The following DYM variants were observed in gnomAD, a reference collection of about 807,000 sequenced individuals.
The protein encoded by DYM is dymeclin.
In DYM, 78 loss-of-function variants were observed where a neutral mutation model predicts 93.1. That is an observed-to-expected ratio of 0.84 (90% CI 0.70 to 1.01). The LOEUF (loss-of-function observed/expected upper bound fraction) is 1.01, where lower values mean the gene tolerates loss of function less well. Among genes scored for constraint, DYM ranks in the 50% least tolerant of loss-of-function variants. The probability of loss-of-function intolerance (pLI) is 0.00; values close to 1 mark genes in which losing one functional copy is unlikely to be tolerated. For synonymous variants in DYM, 321 were observed against 319.7 expected (o/e 1.00, Z -0.04); for missense variants, 789 against 845.0 (o/e 0.93, Z 0.82).
At chr18:49,365,063 A>G (rs1226831934) in intron 5 of DYM, among the ~76,000 whole-genome samples, 1 of 152,184 alleles carries the variant, frequency 6.6e-6, no homozygotes, top group Non-Finnish European at 1.5e-5. Flanking sequence ...GAGCTTGCAC[A>G]TAGTATGTAC....
chr18:49,266,302 T>C (rs1378500279), intron 11 of DYM, among the ~76,000 whole-genome samples: 2 of 152,180 alleles, frequency 1.3e-5, no homozygotes, highest in African/African-American at 2.4e-5. Flanking sequence ...CTTCACCATA[T>C]AATAATATTA....
chr18:49,206,165 ATTTTT>A (rs1405651508), intron 14 of DYM, among the ~76,000 whole-genome samples: 7 of 151,566 alleles, frequency 4.6e-5, no homozygotes, highest in Non-Finnish European at 7.4e-5. Flanking sequence ...CTCCTGGCTA[ATTTTT>A]TGTATTTTTA....
rs10584298 is a variant in DYM, at chr18:49,326,992, C to CGTGT, written c.763+4868_763+4871dup. 8.1e-3 allele frequency among the ~76,000 whole-genome samples: 753 copies of CGTGT among 93,350 alleles called. 1 individual carries two copies. The highest frequency in any genetic ancestry group is 0.014 in the Middle Eastern group (2 of 146). 61.2% of individuals were successfully genotyped at this position (93,350 alleles called of 152,430 possible). On this transcript the variant is annotated intron_variant, in intron 8 of 17. Coordinates refer to ENST00000675505, the MANE Select transcript of DYM (RefSeq NM_001353214.3). ...TTATCCTCAAATGATTTTAAAAAAC[C>CGTGT]GTGTGTGTGTGTGTGTGTGTGTGTG...
At chr18:49,165,976 C>G (rs1011991379) in intron 14 of DYM, among the ~76,000 whole-genome samples, 4 of 151,246 alleles carry the variant, frequency 2.6e-5, no homozygotes, top group African/African-American at 9.7e-5. Flanking sequence ...AATGGAGGTA[C>G]TATACAAGAA....
intron 8 of DYM, among the ~76,000 whole-genome samples, chr18:49,300,652 T>A (rs1169840445): frequency 6.6e-6 from 1 of 152,162 alleles, no homozygotes. Context: ...CTGCTTATAT[T>A]GCAAAAACTC....
intron 14 of DYM, among the ~76,000 whole-genome samples, chr18:49,169,395 C>G (rs1256756170): frequency 6.6e-6 from 1 of 152,198 alleles, no homozygotes; most frequent in Non-Finnish European, 1.5e-5. Flanking sequence ...GTGGGGGAAA[C>G]AGCACTGCAC....
intron 2 of DYM, among the ~76,000 whole-genome samples, chr18:49,428,483 G>A (rs771298966): frequency 2.0e-5 from 3 of 151,728 alleles, no homozygotes; most frequent in Admixed American, 1.3e-4. Context: ...TCAGGGGTTC[G>A]AGACCAGCCT....
At chr18:49,444,820 C>T (rs948794381) in intron 1 of DYM, among the ~76,000 whole-genome samples, 4 of 152,110 alleles carry the variant, frequency 2.6e-5, no homozygotes, top group Admixed American at 1.3e-4. Context: ...AATGAATATG[C>T]TCTATTAAAA....
intron 14 of DYM, chr18:49,206,003 G>GTTTTGTTTTTTTTT: frequency 7.0e-6 from 1 of 142,310 alleles, no homozygotes; most frequent in East Asian, 1.6e-4. Context: ...TTTTTTTTTT[G>GTTTTGTTTTTTTTT]TTTTTTTGTT....
rs1022364480 is a variant in DYM, at chr18:49,154,669, A to G, written c.1728+9016T>C. On this transcript the variant is annotated intron_variant, in intron 15 of 17. Transcript: ENST00000675505. ...CTCTGCCTCCCAAAATGCTGGGATT[A>G]CAGGTGTGAGCCAATGCGCCCAGCT... Among the ~76,000 whole-genome samples the G allele has an allele frequency of 7.2e-5, 11 of 152,286 alleles. No individual in the cohort carries two copies. The East Asian group carries it at 2.1e-3, about 29-fold the overall frequency.
chr18:49,268,667 C>A (rs1025414247), intron 11 of DYM, among the ~76,000 whole-genome samples: 5 of 152,116 alleles, frequency 3.3e-5, no homozygotes, highest in African/African-American at 9.6e-5. Flanking sequence ...ATTGCTGCTG[C>A]TGAAGCAAAT....
At chr18:49,106,503 A>G (rs1042863243) in intron 16 of DYM, among the ~76,000 whole-genome samples, 26 of 152,252 alleles carry the variant, frequency 1.7e-4, no homozygotes, top group African/African-American at 5.8e-4. Flanking sequence ...CCCAGCCTCA[A>G]TGGTCTTTAC....
chr18:49,359,269 T>C (rs2065826605), intron 6 of DYM, among the ~76,000 whole-genome samples: 1 of 152,186 alleles, frequency 6.6e-6, no homozygotes, highest in African/African-American at 2.4e-5. Flanking sequence ...GTGGGATCGA[T>C]CCAATACACA....
intron 8 of DYM, chr18:49,321,133 C>T (rs989172988): frequency 5.5e-6 from 2 of 363,320 alleles, no homozygotes; most frequent in Non-Finnish European, 9.7e-6. Context: ...AATAGAATTC[C>T]ATAATTTCAA....
At chr18:49,340,314 A>T (rs557426870) in intron 6 of DYM, among the ~76,000 whole-genome samples, 13 of 152,302 alleles carry the variant, frequency 8.5e-5, no homozygotes, top group African/African-American at 2.9e-4. Context: ...GTAACTCTTA[A>T]AAACAGTTTT....
At chr18:49,147,906 C>T (rs549709431) in intron 15 of DYM, among the ~76,000 whole-genome samples, 4 of 152,204 alleles carry the variant, frequency 2.6e-5, no homozygotes, top group South Asian at 4.1e-4. Context: ...ATGTTTATTG[C>T]GGCACTATTC....
chr18:49,123,578 TCTC>T (rs1334354051), intron 15 of DYM, among the ~76,000 whole-genome samples: 2 of 152,182 alleles, frequency 1.3e-5, no homozygotes, highest in Non-Finnish European at 2.9e-5. Flanking sequence ...CCCAACCACT[TCTC>T]CTCCTTCCAG....
chr18:49,434,840 G>C (rs749588782), intron 1 of DYM, among the ~76,000 whole-genome samples: 5 of 151,750 alleles, frequency 3.3e-5, no homozygotes, highest in Non-Finnish European at 5.9e-5. Context: ...GTGGTGCATG[G>C]AGATTTCAAC....
At chr18:49,354,901 A>G (rs956336814) in intron 6 of DYM, among the ~76,000 whole-genome samples, 1 of 152,146 alleles carries the variant, frequency 6.6e-6, no homozygotes, top group Non-Finnish European at 1.5e-5. Flanking sequence ...TACTTTAACC[A>G]TCATTCATTC....
Sources: gnomAD v4.1 joint callset for allele counts (sites outside exome capture counted in the v4.1 genomes callset) on GRCh38, gnomAD v4.1.1 for gene constraint, MANE v1.5 for transcripts, NCBI Gene and HGNC (gene_info 2026-07-23, HGNC 2026-07-21) for gene names.